ZZZ3: variants seen among roughly 807,000 people sequenced by gnomAD.
ZZZ3 encodes zinc finger ZZ-type containing 3, also known as ZZ-type zinc finger-containing protein 3.
A neutral mutation model predicts 95.2 loss-of-function variants in ZZZ3; 22 were observed. That is an observed-to-expected ratio of 0.23 (90% CI 0.17 to 0.33). The LOEUF (loss-of-function observed/expected upper bound fraction) is 0.33. ZZZ3 is among the 10% of genes least tolerant of loss of function. ZZZ3 has a pLI of 1.00. For synonymous variants in ZZZ3, 335 were observed against 358.9 expected (o/e 0.93, Z 0.75); for missense variants, 885 against 1,066.5 (o/e 0.83, Z 2.37).
At chr1:77,619,080 A>G (rs887966737) in intron 5 of ZZZ3, among the ~76,000 whole-genome samples, 1 of 152,188 alleles carries the variant, frequency 6.6e-6, no homozygotes, top group Non-Finnish European at 1.5e-5. Flanking sequence ...CAGTCAGATC[A>G]AGATTCCCTT....
At chr1:77,577,511 T>A (rs1305605835) in intron 11 of ZZZ3, among the ~76,000 whole-genome samples, 3 of 152,072 alleles carry the variant, frequency 2.0e-5, no homozygotes, top group Non-Finnish European at 4.4e-5. Flanking sequence ...CTTCCAAAGC[T>A]CGGTTAAAAA....
intron 5 of ZZZ3, among the ~76,000 whole-genome samples, chr1:77,612,975 T>C (rs1017140894): frequency 8.5e-5 from 13 of 152,158 alleles, no homozygotes; most frequent in South Asian, 6.2e-4. Context: ...TATGAGATGA[T>C]AGATATGTTA....
At chr1:77,661,352 G>A (rs1670768979) in intron 1 of ZZZ3, among the ~76,000 whole-genome samples, 2 of 152,166 alleles carry the variant, frequency 1.3e-5, no homozygotes, top group African/African-American at 4.8e-5. Context: ...GTCCGAGGCT[G>A]CAGTGAGCCA....
intron 1 of ZZZ3, among the ~76,000 whole-genome samples, chr1:77,645,117 A>G (rs1669139842): frequency 6.6e-6 from 1 of 152,068 alleles, no homozygotes; most frequent in African/African-American, 2.4e-5. Flanking sequence ...CACCTGTTGT[A>G]GTCCTAGCTA....
At chr1:77,678,121 T>C (rs757174796) in intron 1 of ZZZ3, among the ~76,000 whole-genome samples, 8 of 152,178 alleles carry the variant, frequency 5.3e-5, no homozygotes, top group Non-Finnish European at 1.2e-4. Flanking sequence ...TTCAAAACTA[T>C]ACAACTGAAT....
intron 5 of ZZZ3, among the ~76,000 whole-genome samples, chr1:77,594,877 C>A (rs1177549416): frequency 8.0e-6 from 1 of 125,292 alleles, no homozygotes; most frequent in African/African-American, 3.1e-5. Flanking sequence ...AATTACAAAA[C>A]AACCAGATAA....
intron 11 of ZZZ3, among the ~76,000 whole-genome samples, chr1:77,577,239 A>G (rs1034472605): frequency 1.3e-5 from 2 of 152,216 alleles, no homozygotes; most frequent in African/African-American, 2.4e-5. Flanking sequence ...AAAATACAGT[A>G]CACCTAAGGG....
intron 1 of ZZZ3, among the ~76,000 whole-genome samples, chr1:77,671,537 C>T (rs1380222532): frequency 1.3e-5 from 2 of 152,140 alleles, no homozygotes; most frequent in African/African-American, 4.8e-5. Context: ...GTTCAAATCC[C>T]AAACCCTCCA....
chr1:77,645,841 G>A (rs993489190), intron 1 of ZZZ3, among the ~76,000 whole-genome samples: 1 of 151,642 alleles, frequency 6.6e-6, no homozygotes, highest in Non-Finnish European at 1.5e-5. Flanking sequence ...GTGGTGGTGT[G>A]TGCCTGTAAT....
intron 5 of ZZZ3, among the ~76,000 whole-genome samples, chr1:77,599,253 T>TTGC (rs755495431): frequency 5.9e-5 from 9 of 151,984 alleles, no homozygotes; most frequent in Non-Finnish European, 1.2e-4. Flanking sequence ...ATATAGCTAT[T>TTGC]TGCTACCTTA....
In ZZZ3 at chr1:77,579,639, C is replaced by G; in HGVS notation, c.1981-11G>C. ...CTGTTCCAGCTTTTTCTAAGCCATA[C>G]CCAAGACCAAATTTAAGAAAATATG... On this transcript the variant is annotated splice_polypyrimidine_tract_variant and intron_variant, in intron 9 of 14. Transcript: ENST00000370801. The G allele has an allele frequency of 6.7e-7, 1 of 1,485,172 alleles. No homozygotes were observed. The highest frequency in any genetic ancestry group is 9.1e-7 in the Non-Finnish European group (1 of 1,098,772). The allele number at this position is 1,485,172 out of a possible 1,614,324, so 92.0% of individuals were successfully genotyped here.
At chr1:77,598,398 T>C (rs1311400972) in intron 5 of ZZZ3, among the ~76,000 whole-genome samples, 1 of 152,108 alleles carries the variant, frequency 6.6e-6, no homozygotes, top group African/African-American at 2.4e-5. Flanking sequence ...GAGGGGTTGG[T>C]CTTGCTGTTC....
intron 5 of ZZZ3, among the ~76,000 whole-genome samples, chr1:77,624,979 G>A (rs1667209519): frequency 6.6e-6 from 1 of 152,204 alleles, no homozygotes; most frequent in Non-Finnish European, 1.5e-5. Flanking sequence ...GGTCACAGAA[G>A]TGTTGAGTGT....
intron 10 of ZZZ3, 126 bp from the exon 11 acceptor site, chr1:77,578,995 G>A (rs1163926010): frequency 3.2e-5 from 14 of 443,700 alleles, no homozygotes; most frequent in Non-Finnish European, 5.3e-5. Flanking sequence ...CATGAATCTA[G>A]AATTAACAAT....
Position 77,566,170 on chromosome 1 carries a change from A to G in ZZZ3, c.2478T>C (p.Cys826=). Residue 826 remains cysteine (C), a synonymous_variant, in exon 14 of 15, where the codon TGT becomes TGC. Transcript: ENST00000370801. ...VQHVGFKCDN[C]GIEPIQGVRW... is the part of the protein sequence containing the mutation. ...GAACACCCTGGATGGGTTCTATGCC[A>G]CAGTTATCACACTATAACAGATTCA... The G allele has an allele frequency of 6.2e-7, 1 of 1,609,462 alleles. No homozygotes were observed. Among genetic ancestry groups the G allele is most frequent in the Non-Finnish European group, 8.5e-7 (1 of 1,176,772 alleles).
At chr1:77,575,925 T>G in intron 12 of ZZZ3, 143 bp downstream of exon 12, 1 of 594,552 alleles carries the variant, frequency 1.7e-6, no homozygotes, top group Non-Finnish European at 2.7e-6. Flanking sequence ...GAAATTTTCC[T>G]CACAAAAGTA....
chr1:77,677,777 CAGTA>C (rs1672399503), intron 1 of ZZZ3, among the ~76,000 whole-genome samples: 1 of 152,082 alleles, frequency 6.6e-6, no homozygotes, highest in Admixed American at 6.5e-5. Flanking sequence ...TGGTACCTAA[CAGTA>C]GGTTAAAAAG....
chr1:77,569,931 C>G lies in ZZZ3; in HGVS notation c.2332-1465G>C, dbSNP rs151202228. Among the ~76,000 whole-genome samples the G allele has an allele frequency of 5.4e-4, 82 of 152,276 alleles. No individual in the cohort carries two copies. The East Asian group carries it at 0.012, about 22-fold the overall frequency. The stretch of plus-strand genomic sequence containing the variant: ...GCTCACTTATTTCCTAAAAGCATCC[C>G]CAATTCTCTGATCCATGCTCTGTAA... On this transcript the variant is annotated intron_variant, in intron 12 of 14. Coordinates refer to ENST00000370801, the MANE Select transcript of ZZZ3 (RefSeq NM_015534.6).
Position 77,632,324 on chromosome 1 carries a change from T to A in ZZZ3, c.1031A>T (p.Glu344Val), listed in dbSNP as rs1667882666. The A allele has an allele frequency of 1.2e-6, 2 of 1,614,176 alleles. No homozygotes were observed. Among genetic ancestry groups the A allele is most frequent in the Non-Finnish European group, 1.7e-6 (2 of 1,180,024 alleles). ...NTNNELDTSL[E>V]SMPASGEPEP... ...AGGTTCTCCGGAGGCTGGCATACTC[T>A]CAAGACTTGTGTCCAGTTCGTTATT... The change falls in exon 5 of 15, where the codon GAG becomes GTG. Residue 344 changes from glutamate (E) to valine (V), a missense_variant. Glu to Val is a moderately radical substitution (Grantham distance 121, BLOSUM62 -2). This residue lies in a region of ZZZ3 where 556 missense variants were observed against 652.9 expected (regional missense o/e 0.85). Transcript: ENST00000370801.
Sources: gnomAD v4.1 joint callset for allele counts (sites outside exome capture counted in the v4.1 genomes callset) on GRCh38, gnomAD v4.1.1 for gene constraint, gnomAD v4.1.1 regional missense constraint, MANE v1.5 for transcripts, NCBI Gene and HGNC (gene_info 2026-07-23, HGNC 2026-07-21) for gene names.